The following AMBRA1 variants were observed in gnomAD, a reference collection of about 807,000 sequenced individuals.
AMBRA1 encodes autophagy and beclin 1 regulator 1.
Under a neutral mutation model 125.4 loss-of-function variants are expected in AMBRA1, and 47 were observed. That is an observed-to-expected ratio of 0.37 (90% CI 0.30 to 0.48). The LOEUF (loss-of-function observed/expected upper bound fraction) is 0.48, where lower values mean the gene tolerates loss of function less well. AMBRA1 is among the 20% of genes least tolerant of loss of function. The pLI is 0.99. For missense variants in AMBRA1, 1,331 were observed against 1,693.4 expected (o/e 0.79, Z 3.76); for synonymous variants, 626 against 655.5 (o/e 0.95, Z 0.69).
rs1555017410 is a variant in AMBRA1 at position 46,585,695 on chromosome 11, A to AAAATAT, written c.-121+8132_-121+8133insATATTT. ...AAAAAAAAAAAAAAAAAAAAAAAAA[A>AAAATAT]ATATATATATATATATATATATATA... On this transcript the variant is annotated intron_variant, in intron 1 of 17. Transcript: ENST00000683756. Among the ~76,000 whole-genome samples the AAAATAT allele has an allele frequency of 1.3e-4, 3 of 22,912 alleles. 1 individual carries two copies. Among genetic ancestry groups the AAAATAT allele is most frequent in the Admixed American group, 1.5e-3 (2 of 1,370 alleles). 15.0% of individuals were successfully genotyped at this position (22,912 alleles called of 152,430 possible). A position where few individuals can be genotyped will look rare whatever the true frequency, so the allele number is the denominator to read the frequency against.
intron 11 of AMBRA1, among the ~76,000 whole-genome samples, chr11:46,476,073 C>A (rs1474725003): frequency 6.6e-6 from 1 of 152,090 alleles, no homozygotes; most frequent in Non-Finnish European, 1.5e-5. Context: ...GCACTCAGTG[C>A]CTGAAAACAA....
intron 15 of AMBRA1, among the ~76,000 whole-genome samples, chr11:46,414,864 G>T (rs570466763): frequency 2.6e-5 from 4 of 152,176 alleles, no homozygotes; most frequent in Admixed American, 6.5e-5. Context: ...GAGGATTTTT[G>T]AAGGCCTTAG....
chr11:46,561,267 G>A (rs1474513531), intron 1 of AMBRA1, among the ~76,000 whole-genome samples: 1 of 152,030 alleles, frequency 6.6e-6, no homozygotes, highest in African/African-American at 2.4e-5. Flanking sequence ...TGTAATCCCA[G>A]CTACTCGGAA....
Position 46,562,803 on chromosome 11 carries a change from C to CT in AMBRA1, c.-120-14304dup, listed in dbSNP as rs35415731. Among the ~76,000 whole-genome samples the CT allele has an allele frequency of 2.4e-3, 346 of 142,930 alleles. 3 individuals carry two copies. The highest frequency in any genetic ancestry group is 0.016 in the East Asian group (81 of 4,914). 93.8% of individuals were successfully genotyped at this position (142,930 alleles called of 152,430 possible). ...TAATAAATATAATGCAACATTGGTT[C>CT]TTTTTTTTTTTTTTGAGAAGGAGTT... is the stretch of plus-strand genomic sequence containing the variant. On this transcript the variant is annotated intron_variant, in intron 1 of 17. Coordinates refer to ENST00000683756, the MANE Select transcript of AMBRA1 (RefSeq NM_001387011.1).
chr11:46,420,968 C>A (rs959888397), intron 14 of AMBRA1, among the ~76,000 whole-genome samples: 2 of 152,170 alleles, frequency 1.3e-5, no homozygotes, highest in African/African-American at 2.4e-5. Context: ...GAATAAAAGA[C>A]CTCTTTCCTA....
chr11:46,585,694 A>AAAAAT (rs2044358103), intron 1 of AMBRA1, among the ~76,000 whole-genome samples: 1 of 50,204 alleles, frequency 2.0e-5, no homozygotes. Context: ...AAAAAAAAAA[A>AAAAAT]AATATATATA....
chr11:46,522,410 A>G (rs1384315698), intron 7 of AMBRA1, among the ~76,000 whole-genome samples: 1 of 152,062 alleles, frequency 6.6e-6, no homozygotes, highest in African/African-American at 2.4e-5. Flanking sequence ...ATCCAAATCC[A>G]TTTCCCTGGG....
rs1004938187 is a variant in AMBRA1 at position 46,434,961 on chromosome 11, G to A, written c.2709C>T (p.Leu903=). 34 of 1,613,804 alleles carry A rather than the reference G, an allele frequency of 2.1e-5. No homozygotes were observed. Among genetic ancestry groups the A allele is most frequent in the Non-Finnish European group, 2.8e-5 (33 of 1,179,930 alleles). Residue 903 remains leucine, a synonymous_variant, in exon 13 of 18, where the codon CTC becomes CTT. Coordinates refer to ENST00000683756, the MANE Select transcript of AMBRA1 (RefSeq NM_001387011.1). The part of the protein sequence containing the change: ...ASCDISADGQ[L]LAAFIPSSQR... ...GGCTGCTGGGGATGAAAGCTGCCAG[G>A]AGCTGGCCATCTGCAGAAATGTCAC...
chr11:46,560,925 T>C (rs2043313259), intron 1 of AMBRA1, among the ~76,000 whole-genome samples: 1 of 152,126 alleles, frequency 6.6e-6, no homozygotes, highest in Non-Finnish European at 1.5e-5. Context: ...CAATATACCT[T>C]TCATCCACCA....
At chr11:46,546,303 G>A (rs1953015364) in intron 4 of AMBRA1, among the ~76,000 whole-genome samples, 1 of 152,120 alleles carries the variant, frequency 6.6e-6, no homozygotes, top group Admixed American at 6.6e-5. Flanking sequence ...GTCTCCTGAA[G>A]TGCTAGGAAT....
chr11:46,470,289 T>A (rs911462978), intron 11 of AMBRA1, among the ~76,000 whole-genome samples: 4 of 151,818 alleles, frequency 2.6e-5, no homozygotes, highest in African/African-American at 9.7e-5. Context: ...AAAAATTTTT[T>A]AAAAAATCAG....
intron 7 of AMBRA1, chr11:46,530,515 A>G (rs1952167679): frequency 6.6e-6 from 1 of 152,226 alleles, no homozygotes; most frequent in Admixed American, 6.5e-5. Context: ...ATAGTACAAG[A>G]AACAAATTCT....
intron 7 of AMBRA1, among the ~76,000 whole-genome samples, chr11:46,528,769 T>A (rs550706404): frequency 4.5e-4 from 68 of 152,232 alleles, no homozygotes; most frequent in Middle Eastern, 3.4e-3. Flanking sequence ...ATGTTTTCTA[T>A]CACAGACACA....
At chr11:46,527,268 C>T (rs1232950176) in intron 7 of AMBRA1, among the ~76,000 whole-genome samples, 2 of 151,750 alleles carry the variant, frequency 1.3e-5, no homozygotes, top group Admixed American at 6.6e-5. Flanking sequence ...TCACTGGAAG[C>T]CAGGAGTTCG....
intron 11 of AMBRA1, among the ~76,000 whole-genome samples, chr11:46,450,563 C>A (rs1370355176): frequency 1.3e-5 from 2 of 152,012 alleles, no homozygotes; most frequent in Admixed American, 1.3e-4. Context: ...CCTCAGCCTC[C>A]CGAGTAGCTG....
At chr11:46,515,340 G>A (rs1275045173) in intron 7 of AMBRA1, among the ~76,000 whole-genome samples, 3 of 152,130 alleles carry the variant, frequency 2.0e-5, no homozygotes, top group Non-Finnish European at 4.4e-5. Flanking sequence ...AGGCGTGGTG[G>A]TGCGTGCCTA....
At chr11:46,474,915 G>A (rs562566529) in intron 11 of AMBRA1, among the ~76,000 whole-genome samples, 18 of 152,268 alleles carry the variant, frequency 1.2e-4, no homozygotes, top group African/African-American at 3.4e-4. Flanking sequence ...CACAGTGTGC[G>A]CTTGAGAAAT....
At chr11:46,523,854 G>GT (rs1951859376) in intron 7 of AMBRA1, among the ~76,000 whole-genome samples, 2 of 152,116 alleles carry the variant, frequency 1.3e-5, no homozygotes, top group Non-Finnish European at 2.9e-5. Flanking sequence ...CTTGTGAGAT[G>GT]TCATAGTTTT....
At chr11:46,571,536 A>G (rs919529201) in intron 1 of AMBRA1, among the ~76,000 whole-genome samples, 5 of 151,982 alleles carry the variant, frequency 3.3e-5, no homozygotes, top group African/African-American at 1.2e-4. Flanking sequence ...TTAGCCAGCC[A>G]TGGTGGCACA....
Sources: allele counts gnomAD v4.1 joint callset (sites outside exome capture counted in the v4.1 genomes callset), GRCh38; gene constraint gnomAD v4.1.1; transcripts MANE v1.5; gene names NCBI Gene and HGNC (gene_info 2026-07-23, HGNC 2026-07-21).